The following IL16 variants were observed in gnomAD, a reference collection of about 807,000 sequenced individuals.
IL16 encodes interleukin 16, also known as pro-interleukin-16.
A neutral mutation model predicts 110.1 loss-of-function variants in IL16; 67 were observed. The observed-to-expected ratio is 0.61, with a 90% confidence interval of 0.50 to 0.75. IL16 has a LOEUF of 0.75. Among genes scored for constraint, IL16 ranks in the 30% least tolerant of loss-of-function variants. The pLI is 0.00. For synonymous variants in IL16, 689 were observed against 662.9 expected, an observed-to-expected ratio of 1.04 and a Z score of -0.61; for missense variants, 1,545 against 1,655.0, an observed-to-expected ratio of 0.93 and a Z score of 1.15.
At chr15:81,200,317 G>T (rs1265336469) in intron 1 of IL16, among the ~76,000 whole-genome samples, 10 of 151,356 alleles carry the variant, frequency 6.6e-5, no homozygotes, top group Admixed American at 6.6e-4. Flanking sequence ...AATTATTATG[G>T]TAAGTCAAGA....
chr15:81,182,836 C>G, exon 1 of IL16: 1 of 1,288,070 alleles, frequency 7.8e-7, no homozygotes, highest in Non-Finnish European at 1.0e-6. Flanking sequence ...AGCTCTCTCT[C>G]CCTCCCTCAA....
At position 81,313,355 on chromosome 15, in the gene IL16, G is replaced by A. The variant is rs766106578; in HGVS notation, c.*4557G>A. On this transcript the variant is annotated 3_prime_UTR_variant, in exon 19 of 19. Coordinates refer to ENST00000683961, the MANE Select transcript of IL16 (RefSeq NM_172217.5). ...CCACCACGTTCTGTGGGAGGTAACCGCTGAGGTCGGTATGGAAGAATGTGA... is the reference window on the plus strand; with the variant it reads ...CCACCACGTTCTGTGGGAGGTAACCACTGAGGTCGGTATGGAAGAATGTGA... 1.1e-5 allele frequency: 17 copies of A among 1,581,506 alleles called. No individual in the cohort carries two copies. The highest frequency in any genetic ancestry group is 2.4e-5 in the South Asian group (2 of 84,792).
At chr15:81,259,960 C>G in intron 3 of IL16, 80 bp downstream of exon 3, 2 of 879,878 alleles carry the variant, frequency 2.3e-6, no homozygotes, top group Non-Finnish European at 1.9e-6. Flanking sequence ...GATAGCGGCT[C>G]TCTTCTGGTC....
At chr15:81,241,054 G>A (rs1187772239) in intron 2 of IL16, among the ~76,000 whole-genome samples, 1 of 151,928 alleles carries the variant, frequency 6.6e-6, no homozygotes, top group African/African-American at 2.4e-5. Flanking sequence ...GTTGAAAAGT[G>A]TCTCTTTCCC....
At chr15:81,305,736 A>C in intron 16 of IL16, 172 bp from the exon 17 acceptor site, 1 of 705,070 alleles carries the variant, frequency 1.4e-6, no homozygotes, top group Non-Finnish European at 2.3e-6. Context: ...TGGATGGAGA[A>C]GGAGGGAATG....
At position 81,274,136 on chromosome 15, in the gene IL16, G is replaced by A. The variant is rs533801905; in HGVS notation, c.790+932G>A. Among the ~76,000 whole-genome samples the A allele has an allele frequency of 1.6e-4, 25 of 152,288 alleles. 1 individual carries two copies. In the South Asian group the frequency reaches 2.9e-3, roughly 18 times the overall value. On this transcript the variant is annotated intron_variant, in intron 6 of 18. Transcript: ENST00000683961. Reference sequence around the variant, plus strand: ...CATTTTCACTCTTCTCTGTCAGCTCGCTTTCTATAAGCTATGCTGGGAGCC... The same window carrying A: ...CATTTTCACTCTTCTCTGTCAGCTCACTTTCTATAAGCTATGCTGGGAGCC...
intron 1 of IL16, among the ~76,000 whole-genome samples, chr15:81,202,566 C>T (rs948109351): frequency 2.0e-5 from 3 of 150,994 alleles, no homozygotes; most frequent in Non-Finnish European, 4.4e-5. Context: ...TGAGTGAGAA[C>T]ATGCAGTGTT....
Position 81,309,098 on chromosome 15 carries a change from A to G in IL16, c.*300A>G, listed in dbSNP as rs1900722412. ...TGGATTTATTAGAATTTCATATGAC[A>G]TTCATGCCTGGCTTCGCAAAATGTT... On this transcript the variant is annotated 3_prime_UTR_variant, in exon 19 of 19. Transcript: ENST00000683961. The G allele has an allele frequency of 6.6e-6, 2 of 303,474 alleles. No individual in the cohort carries two copies. The highest frequency in any genetic ancestry group is 1.2e-5 in the Non-Finnish European group (2 of 164,922). The allele number at this position is 303,474 out of a possible 1,614,324, so 18.8% of individuals were successfully genotyped here.
chr15:81,277,411 G>A (rs75796438), intron 6 of IL16, among the ~76,000 whole-genome samples: 4,139 of 151,474 alleles, frequency 0.027, 187 homozygotes, highest in African/African-American at 0.095. Context: ...TAAAACTGCA[G>A]AATATCAAAG....
At chr15:81,227,184 C>T (rs996482641) in intron 2 of IL16, among the ~76,000 whole-genome samples, 11 of 151,986 alleles carry the variant, frequency 7.2e-5, no homozygotes, top group Non-Finnish European at 1.6e-4. Flanking sequence ...AAGCCAGGCA[C>T]GGGAGTGAGC....
intron 1 of IL16, among the ~76,000 whole-genome samples, chr15:81,198,484 A>G (rs1895680259): frequency 6.6e-6 from 1 of 152,290 alleles, no homozygotes; most frequent in Non-Finnish European, 1.5e-5. Flanking sequence ...GGGTTAAAAA[A>G]TAATCTCTGT....
At chr15:81,284,004 GAAAAAA>G (rs565288106) in intron 9 of IL16, among the ~76,000 whole-genome samples, 8 of 82,712 alleles carry the variant, frequency 9.7e-5, no homozygotes, top group South Asian at 4.3e-4. Flanking sequence ...CCCTGTCTCA[GAAAAAA>G]AAAAAAAAAA....
chr15:81,274,392 T>C (rs1898801620), intron 6 of IL16, among the ~76,000 whole-genome samples: 2 of 152,252 alleles, frequency 1.3e-5, no homozygotes, highest in South Asian at 2.1e-4. Flanking sequence ...TCGAGCACGC[T>C]CATCCACGTA....
intron 6 of IL16, among the ~76,000 whole-genome samples, chr15:81,277,611 T>C (rs981494967): frequency 2.0e-5 from 3 of 152,074 alleles, no homozygotes; most frequent in Admixed American, 6.5e-5. Flanking sequence ...ATCCAGCTAA[T>C]ATTTGTACGT....
At chr15:81,308,306 T>C (rs948488554) in intron 18 of IL16, among the ~76,000 whole-genome samples, 3 of 152,202 alleles carry the variant, frequency 2.0e-5, no homozygotes, top group Non-Finnish European at 1.5e-5. Flanking sequence ...GAGTCCTCTA[T>C]GAACTATGGA....
At position 81,300,010 on chromosome 15, in the gene IL16, T is replaced by C; in HGVS notation, c.2684T>C (p.Leu895Pro). ...GLLGRGAAPT[L>P]VPQQPEQVLS... The stretch of plus-strand genomic sequence containing the variant: ...TTGGGGCGAGGGGCTGCACCCACTC[T>C]TGTGCCCCAGCAGCCTGAGCAAGTA... The change falls in exon 14 of 19, where the codon CTT becomes CCT. Residue 895 changes from leucine (L) to proline (P), a missense_variant. This residue lies in a region of IL16 where 1,185 missense variants were observed against 1,238.8 expected (regional missense o/e 0.96). Transcript: ENST00000683961. 1.3e-6 allele frequency: 2 copies of C among 1,582,698 alleles called. No homozygotes were observed. The highest frequency in any genetic ancestry group is 1.7e-6 in the Non-Finnish European group (2 of 1,164,234).
intron 18 of IL16, 34 bp from the exon 19 acceptor site, chr15:81,308,571 T>C: frequency 6.7e-7 from 1 of 1,502,716 alleles, no homozygotes; most frequent in Non-Finnish European, 9.0e-7. Flanking sequence ...TTCCCCATCA[T>C]CTGTGGAACC....
intron 5 of IL16, among the ~76,000 whole-genome samples, chr15:81,271,704 C>G (rs1462916628): frequency 1.3e-5 from 2 of 152,102 alleles, no homozygotes; most frequent in South Asian, 4.1e-4. Flanking sequence ...GCTAGGGGCC[C>G]GTGGAGGAGC....
chr15:81,297,127 G>A (rs766629427), intron 13 of IL16, 49 bp downstream of exon 13: 9 of 1,577,262 alleles, frequency 5.7e-6, no homozygotes. Flanking sequence ...TTGAAAAAAG[G>A]TGCAGGGATA....
Sources: allele counts gnomAD v4.1 joint callset (sites outside exome capture counted in the v4.1 genomes callset), GRCh38; gene constraint gnomAD v4.1.1; regional missense constraint gnomAD v4.1.1; transcripts MANE v1.5; gene names NCBI Gene and HGNC (gene_info 2026-07-23, HGNC 2026-07-21).